The following KCNT2 variants were observed in gnomAD, a reference collection of about 807,000 sequenced individuals.
The protein encoded by KCNT2 is potassium sodium-activated channel subfamily T member 2.
Under a neutral mutation model 153.8 loss-of-function variants are expected in KCNT2, and 67 were observed. The ratio of observed to expected loss-of-function variants is 0.44; its 90% CI spans 0.36 to 0.53. KCNT2 has a LOEUF of 0.53. KCNT2 is among the 20% of genes least tolerant of loss of function. The pLI, the probability that KCNT2 is intolerant of heterozygous loss-of-function variation, is 0.00. For missense variants in KCNT2, 975 were observed against 1,354.8 expected (o/e 0.72, Z 4.40); for synonymous variants, 500 against 458.8 (o/e 1.09, Z -1.15).
At chr1:196,508,814 A>G (rs1361328667) in intron 1 of KCNT2, among the ~76,000 whole-genome samples, 2 of 152,178 alleles carry the variant, frequency 1.3e-5, no homozygotes, top group Admixed American at 6.5e-5. Context: ...TGAATCAAAG[A>G]TTTCCTTATT....
At chr1:196,308,063 C>T (rs1661808327) in intron 21 of KCNT2, among the ~76,000 whole-genome samples, 1 of 151,804 alleles carries the variant, frequency 6.6e-6, no homozygotes, top group South Asian at 2.1e-4. Flanking sequence ...AGCACAAAGC[C>T]CTATAAACTC....
intron 1 of KCNT2, among the ~76,000 whole-genome samples, chr1:196,543,593 A>C (rs1656669216): frequency 6.6e-6 from 1 of 152,174 alleles, no homozygotes; most frequent in Non-Finnish European, 1.5e-5. Flanking sequence ...TCTTTGAAGA[A>C]TCATACTGTG....
At chr1:196,316,565 C>T (rs1203567281) in intron 20 of KCNT2, among the ~76,000 whole-genome samples, 1 of 151,562 alleles carries the variant, frequency 6.6e-6, no homozygotes, top group Non-Finnish European at 1.5e-5. Flanking sequence ...TCTACACAAC[C>T]AAGAGCATAT....
intron 13 of KCNT2, among the ~76,000 whole-genome samples, chr1:196,384,270 A>C (rs1669757323): frequency 6.6e-6 from 1 of 152,140 alleles, no homozygotes; most frequent in African/African-American, 2.4e-5. Context: ...TAACAAGTAA[A>C]GTTTTGTTTG....
chr1:196,572,628 G>C (rs1386703970), intron 1 of KCNT2, among the ~76,000 whole-genome samples: 1 of 152,012 alleles, frequency 6.6e-6, no homozygotes, highest in Non-Finnish European at 1.5e-5. Context: ...GAATGCAAAG[G>C]CTTTCTAAGG....
intron 14 of KCNT2, among the ~76,000 whole-genome samples, chr1:196,369,602 TACTGA>T (rs1277140228): frequency 2.0e-5 from 3 of 152,048 alleles, no homozygotes; most frequent in Admixed American, 6.6e-5. Flanking sequence ...TGCGATAGTT[TACTGA>T]GAATGATGAT....
At chr1:196,421,704 C>T (rs1479258628) in intron 12 of KCNT2, among the ~76,000 whole-genome samples, 2 of 151,924 alleles carry the variant, frequency 1.3e-5, no homozygotes, top group African/African-American at 4.8e-5. Flanking sequence ...CTGTTAGTTT[C>T]CTAGGGCTGC....
chr1:196,323,208 C>T (rs1483235543), intron 19 of KCNT2, among the ~76,000 whole-genome samples: 2 of 151,858 alleles, frequency 1.3e-5, no homozygotes, highest in African/African-American at 2.4e-5. Context: ...TTTATCATTA[C>T]TTTCAAAATA....
chr1:196,500,282 G>GGAAGGA (rs1680585218), intron 1 of KCNT2, among the ~76,000 whole-genome samples: 3 of 4,122 alleles, frequency 7.3e-4, no homozygotes, highest in African/African-American at 1.1e-3. Flanking sequence ...GGAAGGAAGG[G>GGAAGGA]AGGGAGGGAG....
intron 22 of KCNT2, among the ~76,000 whole-genome samples, chr1:196,295,477 CA>C (rs57350716): frequency 0.035 from 4,771 of 135,872 alleles, 222 homozygotes; most frequent in African/African-American, 0.12. Flanking sequence ...GTCTGAAAAC[CA>C]AAAAAAAAAA....
chr1:196,537,328 T>C (rs1165018322), intron 1 of KCNT2, among the ~76,000 whole-genome samples: 1 of 152,216 alleles, frequency 6.6e-6, no homozygotes, highest in African/African-American at 2.4e-5. Context: ...AAACTGTTCC[T>C]TGCTTTCTGG....
intron 12 of KCNT2, among the ~76,000 whole-genome samples, chr1:196,419,018 T>A (rs1672975187): frequency 6.6e-6 from 1 of 152,186 alleles, no homozygotes; most frequent in Non-Finnish European, 1.5e-5. Flanking sequence ...CTCTCCTCTG[T>A]GCTGGATCCC....
At chr1:196,498,851 C>T (rs1195949021) in intron 1 of KCNT2, among the ~76,000 whole-genome samples, 1 of 152,166 alleles carries the variant, frequency 6.6e-6, no homozygotes, top group African/African-American at 2.4e-5. Context: ...TCAGTTTACT[C>T]CTATTTTTTC....
intron 14 of KCNT2, among the ~76,000 whole-genome samples, chr1:196,369,154 G>C (rs549463891): frequency 7.1e-4 from 108 of 152,154 alleles, no homozygotes; most frequent in African/African-American, 2.5e-3. Context: ...GAAAGACAAA[G>C]AAAATGAATT....
At chr1:196,457,950 G>T (rs1376483988) in intron 8 of KCNT2, among the ~76,000 whole-genome samples, 1 of 151,884 alleles carries the variant, frequency 6.6e-6, no homozygotes, top group East Asian at 2.0e-4. Context: ...AGAAGATAAG[G>T]CTCTGGGAAG....
At chr1:196,322,212 A>G (rs1205714135) in intron 19 of KCNT2, among the ~76,000 whole-genome samples, 2 of 151,924 alleles carry the variant, frequency 1.3e-5, no homozygotes, top group Non-Finnish European at 2.9e-5. Context: ...AAGTGGTGAC[A>G]ATGATTGACA....
At chr1:196,271,358 G>A (rs549057252) in intron 25 of KCNT2, among the ~76,000 whole-genome samples, 3 of 152,032 alleles carry the variant, frequency 2.0e-5, no homozygotes, top group African/African-American at 7.2e-5. Context: ...ATTTGACAGG[G>A]AGCTGTGATT....
At chr1:196,395,549 T>C (rs941194668) in intron 13 of KCNT2, among the ~76,000 whole-genome samples, 2 of 151,504 alleles carry the variant, frequency 1.3e-5, no homozygotes, top group African/African-American at 2.4e-5. Context: ...AAGTATCCTT[T>C]TTAGTATTAT....
chr1:196,600,235 G>A (rs1409869793), intron 1 of KCNT2, among the ~76,000 whole-genome samples: 2 of 152,142 alleles, frequency 1.3e-5, no homozygotes, highest in African/African-American at 4.8e-5. Context: ...TCTGCTGCAA[G>A]CATGTACGTG....
Sources: gnomAD v4.1 joint callset for allele counts (sites outside exome capture counted in the v4.1 genomes callset) on GRCh38, gnomAD v4.1.1 for gene constraint, MANE v1.5 for transcripts, NCBI Gene and HGNC (gene_info 2026-07-23, HGNC 2026-07-21) for gene names.